WWC1: variants seen among roughly 807,000 people sequenced by gnomAD.
WWC1 encodes WW and C2 domain containing 1.
In WWC1, 55 loss-of-function variants were observed where a neutral mutation model predicts 138.4. That is an observed-to-expected ratio of 0.40 (90% confidence interval 0.32 to 0.50). WWC1 has a LOEUF of 0.50. Ranked by LOEUF, WWC1 falls within the 20% of genes least tolerant of loss-of-function variation. The pLI is 0.72. For synonymous variants in WWC1, 524 were observed against 564.9 expected (o/e 0.93, Z 1.03); for missense variants, 1,226 against 1,420.4 (o/e 0.86, Z 2.20).
intron 17 of WWC1, among the ~76,000 whole-genome samples, chr5:168,449,748 T>C (rs898454978): frequency 2.0e-5 from 3 of 152,048 alleles, no homozygotes; most frequent in Non-Finnish European, 2.9e-5. Context: ...TACGTTTGTA[T>C]TTTTAGTAGA....
rs370116459 is a variant in WWC1 at position 168,428,058 on chromosome 5, C to G, written c.1836C>G (p.Gly612=). The change falls in exon 12 of 23, where the codon GGC becomes GGG. Residue 612 remains glycine (G), a synonymous_variant. Coordinates refer to ENST00000265293, the MANE Select transcript of WWC1 (RefSeq NM_015238.3). ...CTGTGAATACGGCCCAGGGGTGTGG[C>G]CTGAAAGTGGCCTGTGTCTCAGCCG... ...GQAVNTAQGC[G]LKVACVSAAV... 6.2e-7 allele frequency: 1 copy of G among 1,613,632 alleles called. No homozygotes were observed. Among genetic ancestry groups the G allele is most frequent in the African/African-American group, 1.3e-5 (1 of 74,890 alleles).
At chr5:168,452,835 C>G (rs2064132811) in intron 17 of WWC1, among the ~76,000 whole-genome samples, 1 of 152,108 alleles carries the variant, frequency 6.6e-6, no homozygotes, top group South Asian at 2.1e-4. Context: ...CGCCTCGTTC[C>G]AACGTTTGGA....
intron 3 of WWC1, among the ~76,000 whole-genome samples, chr5:168,396,549 C>T (rs1561703473): frequency 1.3e-5 from 2 of 152,120 alleles, no homozygotes; most frequent in African/African-American, 2.4e-5. Context: ...TCTGGCCTCC[C>T]GACCAAGAAT....
At chr5:168,361,908 C>T (rs1775907621) in intron 1 of WWC1, among the ~76,000 whole-genome samples, 2 of 151,948 alleles carry the variant, frequency 1.3e-5, no homozygotes, top group South Asian at 4.2e-4. Flanking sequence ...ATGGTGAAAC[C>T]CCATCTCTAC....
intron 21 of WWC1, among the ~76,000 whole-genome samples, chr5:168,465,473 G>A (rs1218367625): frequency 1.3e-5 from 2 of 149,596 alleles, no homozygotes; most frequent in East Asian, 4.0e-4. Context: ...TGAGTTTAAG[G>A]GATTTAGGGG....
intron 2 of WWC1, among the ~76,000 whole-genome samples, chr5:168,374,642 G>A (rs145629818): frequency 0.012 from 1,820 of 152,276 alleles, 33 homozygotes; most frequent in Non-Finnish European, 0.015. Flanking sequence ...TAGCTCTTCC[G>A]CTGTGTGAGA....
At chr5:168,466,017 C>G (rs10035471) in intron 21 of WWC1, among the ~76,000 whole-genome samples, 2,827 of 152,170 alleles carry the variant, frequency 0.019, 90 homozygotes, top group African/African-American at 0.064. Flanking sequence ...CTCTGCAGCA[C>G]GATGGGGAGT....
At chr5:168,400,927 C>A (rs534414476) in intron 5 of WWC1, among the ~76,000 whole-genome samples, 5 of 147,386 alleles carry the variant, frequency 3.4e-5, no homozygotes, top group East Asian at 2.0e-4. Context: ...GGAAAAAGAA[C>A]GAGAGAGAAA....
chr5:168,306,126 A>G (rs770485727), intron 1 of WWC1, among the ~76,000 whole-genome samples: 37 of 152,190 alleles, frequency 2.4e-4, no homozygotes, highest in Non-Finnish European at 4.3e-4. Flanking sequence ...GGCCGGGTGC[A>G]GTGGCTCACG....
chr5:168,319,271 T>G (rs1193691375), intron 1 of WWC1, among the ~76,000 whole-genome samples: 1 of 152,034 alleles, frequency 6.6e-6, no homozygotes. Flanking sequence ...GATACAAAAA[T>G]TAGCTGGACG....
rs1464236720 is a variant in WWC1, at chr5:168,423,765, G to A, written c.1507G>A (p.Glu503Lys). Residue 503 changes from glutamate to lysine, a missense_variant, in exon 11 of 23, where the codon GAG becomes AAG. Physicochemically the swap from Glu to Lys is moderately conservative, Grantham distance 56. Around this residue, in one of 3 missense-constraint regions of WWC1, gnomAD observed 1,016 missense variants for 1,153.9 expected, o/e 0.88. Transcript: ENST00000265293. ...RPSGCITTIHEDEVAKTQKAE... is the reference protein window; with the variant it reads ...RPSGCITTIHKDEVAKTQKAE... ...CTCAGGCTGCATCACCACCATCCACGAGGATGAGGTGGCCAAGACCCAGAA... is the reference window on the plus strand; with the variant it reads ...CTCAGGCTGCATCACCACCATCCACAAGGATGAGGTGGCCAAGACCCAGAA... The A allele has an allele frequency of 6.8e-6, 11 of 1,613,964 alleles. No individual in the cohort carries two copies. The highest frequency in any genetic ancestry group is 2.2e-5 in the South Asian group (2 of 91,054).
intron 15 of WWC1, among the ~76,000 whole-genome samples, chr5:168,440,540 G>C (rs1444832549): frequency 6.6e-6 from 1 of 152,148 alleles, no homozygotes; most frequent in Non-Finnish European, 1.5e-5. Flanking sequence ...TTTTGAGGCA[G>C]AGTTTTGTTC....
intron 1 of WWC1, among the ~76,000 whole-genome samples, chr5:168,355,685 G>C (rs1454910259): frequency 6.6e-6 from 1 of 152,032 alleles, no homozygotes; most frequent in Non-Finnish European, 1.5e-5. Flanking sequence ...GAGCAGGTCA[G>C]GGGCAAGGAG....
rs751494695 is a variant in WWC1, at chr5:168,371,482, G to A, written c.178G>A (p.Glu60Lys). Reference protein sequence around the residue: ...CISDELPLGWEEAYDPQVGDY... With the variant: ...CISDELPLGWKEAYDPQVGDY... Reference sequence around the variant, plus strand: ...TAGTGATGAGTTGCCGCTAGGATGGGAAGAGGCATATGACCCACAGGTTGG... The same window carrying A: ...TAGTGATGAGTTGCCGCTAGGATGGAAAGAGGCATATGACCCACAGGTTGG... The change falls in exon 2 of 23, where the codon GAA (glutamate) becomes AAA (lysine). Residue 60 changes from glutamate (E) to lysine (K), a missense_variant. By Grantham distance (56) the Glu-to-Lys change is moderately conservative. Transcript: ENST00000265293. The A allele has an allele frequency of 6.2e-7, 1 of 1,613,938 alleles. No homozygotes were observed. The highest frequency in any genetic ancestry group is 1.7e-5 in the Admixed American group (1 of 59,994).
rs1264493631 is a variant in WWC1, at chr5:168,291,713, G to T, written c.-440G>T. 1.3e-5 allele frequency: 2 copies of T among 152,958 alleles called. No individual in the cohort carries two copies. Among genetic ancestry groups the T allele is most frequent in the South Asian group, 1.8e-4 (1 of 5,604 alleles). The allele number at this position is 152,958 out of a possible 1,614,324, so 9.5% of individuals were successfully genotyped here. ...TGGCGGAGGCAGAAGTCACAAACCC[G>T]GCGAGCTCAGAGCGGTGGAGCGGAG... On this transcript the variant is annotated 5_prime_UTR_variant, in exon 1 of 23. Coordinates refer to ENST00000265293, the MANE Select transcript of WWC1 (RefSeq NM_015238.3).
At chr5:168,352,144 G>A (rs1194407064) in intron 1 of WWC1, among the ~76,000 whole-genome samples, 1 of 152,156 alleles carries the variant, frequency 6.6e-6, no homozygotes, top group Non-Finnish European at 1.5e-5. Context: ...TAACACGCAC[G>A]AGTCTTGAAT....
At chr5:168,427,991 T>A (rs766235238) in intron 11 of WWC1, 42 bp from the exon 12 acceptor site, 26 of 1,574,810 alleles carry the variant, frequency 1.7e-5, no homozygotes, top group Non-Finnish European at 1.8e-5. Flanking sequence ...GCAAAGGCAG[T>A]TTCCTGGTTC....
At chr5:168,383,743 C>T (rs2152817729) in intron 2 of WWC1, among the ~76,000 whole-genome samples, 1 of 152,328 alleles carries the variant, frequency 6.6e-6, no homozygotes. Context: ...TATCTGGAGG[C>T]TGGATTCACC....
intron 20 of WWC1, among the ~76,000 whole-genome samples, 197 bp from the exon 21 acceptor site, chr5:168,464,532 G>A (rs906520569): frequency 7.9e-5 from 12 of 152,180 alleles, no homozygotes; most frequent in East Asian, 3.8e-4. Flanking sequence ...GCTTAGTGCC[G>A]TTCCTGGGAC....
Sources: gnomAD v4.1 joint callset for allele counts (sites outside exome capture counted in the v4.1 genomes callset) on GRCh38, gnomAD v4.1.1 for gene constraint, gnomAD v4.1.1 regional missense constraint, MANE v1.5 for transcripts, NCBI Gene and HGNC (gene_info 2026-07-23, HGNC 2026-07-21) for gene names.